The following LIPC variants were observed in gnomAD, a reference collection of about 807,000 sequenced individuals.
LIPC encodes the protein lipase C, hepatic type, also known as hepatic triacylglycerol lipase.
In LIPC, 44 loss-of-function variants were observed where a neutral mutation model predicts 50.7. The observed-to-expected ratio is 0.87, with a 90% CI of 0.68 to 1.11. The LOEUF is 1.11. LIPC is among the 50% of genes most tolerant of loss of function. LIPC has a pLI of 0.00. For synonymous variants in LIPC, 271 were observed against 256.4 expected (o/e 1.06, Z -0.54); for missense variants, 697 against 648.2 (o/e 1.08, Z -0.82).
At chr15:58,453,742 TA>T (rs1261897553) in intron 1 of LIPC, among the ~76,000 whole-genome samples, 5 of 147,726 alleles carry the variant, frequency 3.4e-5, no homozygotes, top group East Asian at 2.0e-4. Context: ...CTACTAAAAG[TA>T]AAAAAAAATC....
intron 4 of LIPC, among the ~76,000 whole-genome samples, chr15:58,545,126 T>C (rs749515193): frequency 3.9e-5 from 6 of 152,250 alleles, no homozygotes; most frequent in Non-Finnish European, 7.3e-5. Flanking sequence ...GAACTACTTA[T>C]AATGAGCATA....
chr15:58,453,121 A>G (rs140424203), intron 1 of LIPC, among the ~76,000 whole-genome samples: 16 of 151,736 alleles, frequency 1.1e-4, no homozygotes, highest in Admixed American at 3.9e-4. Flanking sequence ...AGGTGTGGGG[A>G]CCCATCCCCT....
chr15:58,538,525 A>G lies in LIPC; in HGVS notation c.273+8A>G. 2 of 1,613,522 alleles carry G rather than the reference A, an allele frequency of 1.2e-6. No individual in the cohort carries two copies. The highest frequency in any genetic ancestry group is 1.7e-6 in the Non-Finnish European group (2 of 1,179,462). On this transcript the variant is annotated splice_region_variant and intron_variant, in intron 2 of 8. Coordinates refer to ENST00000299022, the MANE Select transcript of LIPC (RefSeq NM_000236.3). ...ATAATCCACGGGTGGTCGGTAGGAA[A>G]TGCTGACATGCCGTTTTTCTCTCCG...
chr15:58,473,905 A>C (rs542886064), intron 1 of LIPC: 1 of 152,390 alleles, frequency 6.6e-6, no homozygotes, highest in Non-Finnish European at 1.5e-5. Flanking sequence ...TTCCTGCCAG[A>C]CTATAGCTGT....
intron 6 of LIPC, among the ~76,000 whole-genome samples, chr15:58,556,383 A>G (rs1401883881): frequency 6.6e-6 from 1 of 152,196 alleles, no homozygotes; most frequent in African/African-American, 2.4e-5. Flanking sequence ...AAGGACCACA[A>G]CTTCTAGTTC....
intron 1 of LIPC, 159 bp downstream of exon 1, chr15:58,432,279 G>A (rs1411334016): frequency 6.0e-6 from 4 of 669,080 alleles, no homozygotes; most frequent in African/African-American, 5.4e-5. Context: ...GGGACACGTA[G>A]CCGTTTGTAA....
chr15:58,553,976 G>C (rs1382892935), intron 6 of LIPC, among the ~76,000 whole-genome samples: 2 of 151,238 alleles, frequency 1.3e-5, no homozygotes, highest in Non-Finnish European at 2.9e-5. Flanking sequence ...ATCTCCATGA[G>C]AGAAATCCAT....
chr15:58,523,068 G>A (rs1892701996), intron 1 of LIPC: 1 of 152,390 alleles, frequency 6.6e-6, no homozygotes, highest in African/African-American at 2.4e-5. Flanking sequence ...GTCTGACAAA[G>A]CTTCCTAACT....
At chr15:58,516,564 T>G (rs34522258) in intron 1 of LIPC, among the ~76,000 whole-genome samples, 10 of 152,246 alleles carry the variant, frequency 6.6e-5, no homozygotes, top group African/African-American at 2.2e-4. Flanking sequence ...TCTGTTGCTG[T>G]GAATTCAAGT....
intron 1 of LIPC, among the ~76,000 whole-genome samples, chr15:58,512,008 G>C (rs1346268247): frequency 2.0e-5 from 3 of 152,036 alleles, no homozygotes; most frequent in Non-Finnish European, 4.4e-5. Flanking sequence ...TTAAAACCTA[G>C]AAGGAAATCA....
At chr15:58,550,175 C>T (rs1160360197) in intron 6 of LIPC, among the ~76,000 whole-genome samples, 1 of 152,168 alleles carries the variant, frequency 6.6e-6, no homozygotes, top group Non-Finnish European at 1.5e-5. Flanking sequence ...TTTTTAAAAA[C>T]TCCTAAACCT....
rs1893611467 is a variant in LIPC, at chr15:58,548,366, C to T, written c.845C>T (p.Ser282Leu). ...ACCATAAAATGCTCCCACGAGCGAT[C>T]GGTGCACCTTTTCATCGACTCCTTG... Reference protein sequence around the residue: ...TQTIKCSHERSVHLFIDSLLH... With the variant: ...TQTIKCSHERLVHLFIDSLLH... The change falls in exon 6 of 9, where the codon TCG (serine) becomes TTG (leucine). Residue 282 changes from serine (S) to leucine (L), a missense_variant. Ser to Leu is a moderately radical substitution (Grantham distance 145). Coordinates refer to ENST00000299022, the MANE Select transcript of LIPC (RefSeq NM_000236.3). The T allele has an allele frequency of 5.6e-6, 9 of 1,614,136 alleles. No individual in the cohort carries two copies. Among genetic ancestry groups the T allele is most frequent in the Non-Finnish European group, 7.6e-6 (9 of 1,180,020 alleles).
chr15:58,492,893 G>A (rs924817850), intron 1 of LIPC, among the ~76,000 whole-genome samples: 1 of 152,050 alleles, frequency 6.6e-6, no homozygotes, highest in East Asian at 1.9e-4. Context: ...AGGGGGCCCT[G>A]GGCAAATCTG....
chr15:58,556,305 G>A (rs1893949136), intron 6 of LIPC, among the ~76,000 whole-genome samples: 1 of 152,138 alleles, frequency 6.6e-6, no homozygotes, highest in Admixed American at 6.5e-5. Flanking sequence ...CAGTAGTGTG[G>A]TTCCGAGATG....
intron 1 of LIPC, among the ~76,000 whole-genome samples, chr15:58,527,351 G>A (rs1398043319): frequency 2.0e-5 from 3 of 152,162 alleles, no homozygotes; most frequent in Non-Finnish European, 4.4e-5. Context: ...GAGTCACCAA[G>A]CGCCTCAGGA....
At chr15:58,499,063 C>T (rs1566930219) in intron 1 of LIPC, among the ~76,000 whole-genome samples, 1 of 152,164 alleles carries the variant, frequency 6.6e-6, no homozygotes, top group East Asian at 1.9e-4. Flanking sequence ...TTACTCGGCA[C>T]AAGAGAGGCC....
chr15:58,448,927 G>C (rs1230336662), intron 1 of LIPC, among the ~76,000 whole-genome samples: 7 of 152,206 alleles, frequency 4.6e-5, no homozygotes, highest in South Asian at 4.1e-4. Context: ...TGGGAGAAAG[G>C]CTTGTCTACC....
At chr15:58,533,709 C>G (rs1299914790) in intron 1 of LIPC, among the ~76,000 whole-genome samples, 2 of 152,076 alleles carry the variant, frequency 1.3e-5, no homozygotes, top group African/African-American at 4.8e-5. Flanking sequence ...CTCAATTATA[C>G]ACACTGTAAA....
chr15:58,439,408 T>C (rs1315982408), intron 1 of LIPC, among the ~76,000 whole-genome samples: 3 of 152,068 alleles, frequency 2.0e-5, no homozygotes, highest in African/African-American at 7.2e-5. Context: ...CCTGGAACTG[T>C]AGTGGGTAAT....
Sources: gnomAD v4.1 joint callset for allele counts (sites outside exome capture counted in the v4.1 genomes callset) on GRCh38, gnomAD v4.1.1 for gene constraint, MANE v1.5 for transcripts, NCBI Gene and HGNC (gene_info 2026-07-23, HGNC 2026-07-21) for gene names.